Variants in TRAPPC8 observed in about 807,000 individuals in gnomAD.
The protein encoded by TRAPPC8 is general sporulation gene 1 homolog.
TRAPPC8 carries 54 observed loss-of-function variants against 174.3 expected under a neutral mutation model. That is an observed-to-expected ratio of 0.31 (90% CI 0.25 to 0.39). TRAPPC8 has a LOEUF of 0.39. Among genes scored for constraint, TRAPPC8 ranks in the 10% least tolerant of loss-of-function variants. The pLI is 1.00. For synonymous variants in TRAPPC8, 630 were observed against 579.9 expected, an observed-to-expected ratio of 1.09 and a Z score of -1.24; for missense variants, 1,531 against 1,699.1, an observed-to-expected ratio of 0.90 and a Z score of 1.74.
chr18:31,900,730 A>T (rs1468841916), intron 10 of TRAPPC8, among the ~76,000 whole-genome samples, 195 bp downstream of exon 10: 1 of 152,254 alleles, frequency 6.6e-6, no homozygotes, highest in Admixed American at 6.5e-5. Flanking sequence ...AACATTACAT[A>T]ACACATTCCT....
chr18:31,864,918 CA>C, intron 18 of TRAPPC8, 137 bp from the exon 19 acceptor site: 2 of 774,938 alleles, frequency 2.6e-6, no homozygotes, highest in Non-Finnish European at 4.0e-6. Flanking sequence ...CATGATTAAT[CA>C]AAGAATTTAG....
chr18:31,849,481 T>A (rs1212443771), intron 25 of TRAPPC8, 85 bp downstream of exon 25: 7 of 1,156,296 alleles, frequency 6.1e-6, no homozygotes, highest in African/African-American at 1.6e-5. Context: ...GCATAAAAAA[T>A]ATAAATAGTA....
intron 9 of TRAPPC8, among the ~76,000 whole-genome samples, chr18:31,902,103 TCAG>T (rs1489813671): frequency 7.9e-5 from 12 of 152,218 alleles, no homozygotes; most frequent in Admixed American, 3.3e-4. Context: ...TCACTTGACA[TCAG>T]GAGTTGGAGG....
At chr18:31,897,440 G>A (rs7234798) in intron 11 of TRAPPC8, among the ~76,000 whole-genome samples, 54,263 of 151,866 alleles carry the variant, frequency 0.36, 10,206 homozygotes, top group South Asian at 0.57. Context: ...CAAAATATGA[G>A]TAACAAAAAA....
At chr18:31,901,269 GT>G (rs35031053) in intron 9 of TRAPPC8, among the ~76,000 whole-genome samples, 151,665 of 152,312 alleles carry the variant, frequency 1, 75,513 homozygotes, top group East Asian at 1. Context: ...TAGAATTCAA[GT>G]TAAGTAATGA....
rs114093542 is a variant in TRAPPC8 at position 31,897,088 on chromosome 18, A to G, written c.1596+698T>C. Among the ~76,000 whole-genome samples the G allele has an allele frequency of 1.3e-3, 193 of 152,336 alleles. 1 individual carries two copies. The highest frequency in any genetic ancestry group is 4.5e-3 in the African/African-American group (189 of 41,580). ...TTGGTCCAAGGATTAAAATCCTAGG[A>G]TAATTTAACATTTAAGGAGCAAACA... is the stretch of plus-strand genomic sequence containing the variant. On this transcript the variant is annotated intron_variant, in intron 11 of 28. Transcript: ENST00000283351.
intron 12 of TRAPPC8, among the ~76,000 whole-genome samples, chr18:31,884,288 T>C (rs1310967474): frequency 1.3e-5 from 2 of 152,218 alleles, no homozygotes; most frequent in South Asian, 2.1e-4. Context: ...CTAGAAGCTA[T>C]TTTATGAAAT....
intron 9 of TRAPPC8, 56 bp downstream of exon 9, chr18:31,907,404 T>C: frequency 6.7e-7 from 1 of 1,489,788 alleles, no homozygotes; most frequent in South Asian, 1.4e-5. Context: ...CAAGAGAAAT[T>C]TCTAAATAAT....
At chr18:31,887,676 A>C (rs2035779924) in intron 12 of TRAPPC8, among the ~76,000 whole-genome samples, 1 of 151,522 alleles carries the variant, frequency 6.6e-6, no homozygotes, top group Non-Finnish European at 1.5e-5. Flanking sequence ...AGTAAGAGCC[A>C]TTTACGACAA....
intron 12 of TRAPPC8, among the ~76,000 whole-genome samples, chr18:31,884,299 T>A (rs1416565172): frequency 1.3e-5 from 2 of 152,234 alleles, no homozygotes; most frequent in African/African-American, 2.4e-5. Context: ...TTTATGAAAT[T>A]TAATTTTGAT....
At chr18:31,831,877 G>T (rs1004560726) in intron 28 of TRAPPC8, among the ~76,000 whole-genome samples, 12 of 150,764 alleles carry the variant, frequency 8.0e-5, no homozygotes, top group Non-Finnish European at 1.3e-4. Context: ...ATTTTTTTTT[G>T]TTGTTAAGTA....
chr18:31,901,829 T>C (rs1045331398), intron 9 of TRAPPC8, among the ~76,000 whole-genome samples: 11 of 152,240 alleles, frequency 7.2e-5, no homozygotes, highest in African/African-American at 2.7e-4. Context: ...GAATGTTGTG[T>C]GGCAGTGTGA....
rs527674192 is a variant in TRAPPC8, at chr18:31,933,431, T to G, written c.158-1908A>C. Reference sequence around the variant, plus strand: ...CCTGAACAACTTAACCCTTCTGTGCTTCAAATTCTTCATCTGCACATGTGA... The same window carrying G: ...CCTGAACAACTTAACCCTTCTGTGCGTCAAATTCTTCATCTGCACATGTGA... On this transcript the variant is annotated intron_variant, in intron 1 of 28. Transcript: ENST00000283351. Among the ~76,000 whole-genome samples the G allele has an allele frequency of 2.6e-4, 39 of 152,344 alleles. 1 individual carries two copies. Among genetic ancestry groups the G allele is most frequent in the African/African-American group, 9.1e-4 (38 of 41,574 alleles).
At chr18:31,914,909 G>A (rs1354855831) in intron 4 of TRAPPC8, among the ~76,000 whole-genome samples, 1 of 152,160 alleles carries the variant, frequency 6.6e-6, no homozygotes, top group African/African-American at 2.4e-5. Flanking sequence ...ATTAAAAAAA[G>A]TTTGAATATT....
At chr18:31,930,308 C>CG (rs1314567187) in intron 2 of TRAPPC8, among the ~76,000 whole-genome samples, 3 of 151,762 alleles carry the variant, frequency 2.0e-5, no homozygotes, top group Non-Finnish European at 4.4e-5. Flanking sequence ...TTAGTAGAGA[C>CG]GGGGTTTCAC....
intron 19 of TRAPPC8, among the ~76,000 whole-genome samples, chr18:31,863,409 T>C (rs1328447419): frequency 6.6e-6 from 1 of 152,188 alleles, no homozygotes; most frequent in Non-Finnish European, 1.5e-5. Flanking sequence ...ATATACATGA[T>C]ATTTACTGCA....
chr18:31,917,600 T>G lies in TRAPPC8; in HGVS notation c.420A>C (p.Glu140Asp). 1 of 1,613,226 alleles carries G rather than the reference T, an allele frequency of 6.2e-7. No individual in the cohort carries two copies. The highest frequency in any genetic ancestry group is 8.5e-7 in the Non-Finnish European group (1 of 1,179,616). Residue 140 changes from glutamate to aspartate, a missense_variant, in exon 3 of 29, where the codon GAA (glutamate) becomes GAC (aspartate). Physicochemically the swap from Glu to Asp is conservative, Grantham distance 45. Transcript: ENST00000283351. ...TACATGCTAAATAGTGGTTCAGAAA[T>G]TCATGATCCAATGCTGGCATCGACT... ...FLQSMPALDH[E>D]FLNHYLACML...
At chr18:31,896,644 A>G (rs2036196615) in intron 11 of TRAPPC8, among the ~76,000 whole-genome samples, 1 of 152,064 alleles carries the variant, frequency 6.6e-6, no homozygotes, top group Non-Finnish European at 1.5e-5. Context: ...TGTTGTTGAG[A>G]CAAATGAGTC....
At chr18:31,852,755 A>G (rs2033779032) in intron 22 of TRAPPC8, 92 bp from the exon 23 acceptor site, 2 of 973,062 alleles carry the variant, frequency 2.1e-6, no homozygotes, top group Non-Finnish European at 3.2e-6. Context: ...GTCAAAATAG[A>G]AAATAATTCG....
Sources: allele counts gnomAD v4.1 joint callset (sites outside exome capture counted in the v4.1 genomes callset), GRCh38; gene constraint gnomAD v4.1.1; transcripts MANE v1.5; gene names NCBI Gene and HGNC (gene_info 2026-07-23, HGNC 2026-07-21).